TOPAZ1: variants seen among roughly 807,000 people sequenced by gnomAD.
TOPAZ1 encodes the protein testis and ovary specific TOPAZ 1.
Under a neutral mutation model 172.2 loss-of-function variants are expected in TOPAZ1, and 66 were observed. The observed-to-expected ratio is 0.38, with a 90% CI of 0.31 to 0.47. The LOEUF is 0.47. Ranked by LOEUF, TOPAZ1 falls within the 20% of genes least tolerant of loss-of-function variation. The pLI, the probability that TOPAZ1 is intolerant of heterozygous loss-of-function variation, is 0.99. For synonymous variants in TOPAZ1, 681 were observed against 683.9 expected (o/e 1.00, Z 0.07); for missense variants, 1,822 against 1,972.4 (o/e 0.92, Z 1.44).
At position 44,242,944 on chromosome 3, in the gene TOPAZ1, A is replaced by G. The variant is rs1452894680; in HGVS notation, c.438A>G (p.Glu146=). The change falls in exon 2 of 20, where the codon GAA becomes GAG. Residue 146 remains glutamate, a synonymous_variant. Coordinates refer to ENST00000309765, the MANE Select transcript of TOPAZ1 (RefSeq NM_001145030.2). The part of the protein sequence containing the change: ...LVRKESLTSS[E]SFQTVECLQS... ...GAAAGGAATCATTAACCAGTTCGGA[A>G]TCTTTCCAAACAGTGGAATGCTTGC... 6.4e-7 allele frequency: 1 copy of G among 1,550,714 alleles called. No homozygotes were observed. The highest frequency in any genetic ancestry group is 2.4e-5 in the East Asian group (1 of 40,910).
In TOPAZ1 at chr3:44,244,312, C is replaced by T. The variant is rs1472358880; in HGVS notation, c.1806C>T (p.Ser602=). ...AAAAGATAAAATCAGAGGAACTGAGCAGAAGAGGGTCAGAGGTAATTTCTA... is the reference window on the plus strand; with the variant it reads ...AAAAGATAAAATCAGAGGAACTGAGTAGAAGAGGGTCAGAGGTAATTTCTA... ...DDKKIKSEEL[S]RRGSEVISNT... The change falls in exon 2 of 20, where the codon AGC becomes AGT. Residue 602 remains serine (S), a synonymous_variant. Transcript: ENST00000309765. 8 of 1,550,674 alleles carry T rather than the reference C, an allele frequency of 5.2e-6. No homozygotes were observed. The South Asian group carries it at 8.4e-5, about 16-fold the overall frequency.
intron 5 of TOPAZ1, among the ~76,000 whole-genome samples, chr3:44,264,750 G>C (rs1021692871): frequency 2.6e-5 from 4 of 152,194 alleles, no homozygotes; most frequent in Non-Finnish European, 4.4e-5. Flanking sequence ...TTATCAACTA[G>C]ATTGTGTGAT....
downstream of TOPAZ1, among the ~76,000 whole-genome samples, chr3:44,334,227 T>G (rs925392323): frequency 6.6e-5 from 10 of 152,134 alleles, no homozygotes; most frequent in Admixed American, 5.9e-4. Flanking sequence ...ATCTTTGCTC[T>G]CCTCATTTTC....
chr3:44,247,890 A>T (rs1699584364), intron 2 of TOPAZ1, among the ~76,000 whole-genome samples: 1 of 152,178 alleles, frequency 6.6e-6, no homozygotes, highest in African/African-American at 2.4e-5. Context: ...ATGTCAAGTG[A>T]TCTGCCTGCC....
At chr3:44,295,551 C>A (rs567063525) in intron 12 of TOPAZ1, among the ~76,000 whole-genome samples, 1 of 152,116 alleles carries the variant, frequency 6.6e-6, no homozygotes, top group African/African-American at 2.4e-5. Context: ...AACAATATGC[C>A]ATGCAAACAT....
chr3:44,259,858 A>G (rs916524840), intron 4 of TOPAZ1, among the ~76,000 whole-genome samples: 2 of 152,162 alleles, frequency 1.3e-5, no homozygotes, highest in African/African-American at 2.4e-5. Context: ...ATTGTTTTCT[A>G]TGAACTTGCT....
At chr3:44,249,772 A>G (rs77532985) in intron 2 of TOPAZ1, among the ~76,000 whole-genome samples, 66 of 152,360 alleles carry the variant, frequency 4.3e-4, no homozygotes, top group Non-Finnish European at 6.8e-4. Context: ...ATTAGATTAC[A>G]TGTAAATGGA....
intron 2 of TOPAZ1, among the ~76,000 whole-genome samples, chr3:44,248,054 G>C (rs1699586244): frequency 6.6e-6 from 1 of 152,202 alleles, no homozygotes; most frequent in Non-Finnish European, 1.5e-5. Flanking sequence ...TTGGGTGCAT[G>C]AGAATTATTT....
At chr3:44,250,347 T>C (rs989047882) in intron 2 of TOPAZ1, among the ~76,000 whole-genome samples, 22 of 151,938 alleles carry the variant, frequency 1.4e-4, no homozygotes. Context: ...CTTTTCTTTA[T>C]TGTCCCATTC....
intron 6 of TOPAZ1, 115 bp downstream of exon 6, chr3:44,267,251 A>C (rs1699840552): frequency 1.3e-6 from 1 of 798,552 alleles, no homozygotes; most frequent in Non-Finnish European, 1.8e-6. Flanking sequence ...CATGTAGAAT[A>C]TGTTAAAATT....
chr3:44,281,875 T>C, intron 8 of TOPAZ1, 93 bp from the exon 9 acceptor site: 1 of 762,410 alleles, frequency 1.3e-6, no homozygotes, highest in Non-Finnish European at 2.1e-6. Context: ...CATTTAAAAA[T>C]TTCAATATAA....
At chr3:44,318,238 G>A (rs1398834676) in intron 16 of TOPAZ1, among the ~76,000 whole-genome samples, 1 of 152,156 alleles carries the variant, frequency 6.6e-6, no homozygotes, top group Non-Finnish European at 1.5e-5. Flanking sequence ...GATCACCTGA[G>A]GTCAGGAGTT....
chr3:44,301,923 G>A (rs1700276472), intron 12 of TOPAZ1, among the ~76,000 whole-genome samples: 1 of 151,990 alleles, frequency 6.6e-6, no homozygotes, highest in Non-Finnish European at 1.5e-5. Flanking sequence ...ATTGCATGTG[G>A]TTTTGAGTCA....
At chr3:44,332,177 T>C (rs1382071364), downstream of TOPAZ1, 7 of 568,760 alleles carry the variant, frequency 1.2e-5, no homozygotes, top group Non-Finnish European at 2.1e-5. Flanking sequence ...GTAATTTTCA[T>C]TGATTTTATT....
chr3:44,299,192 A>G (rs972859215), intron 12 of TOPAZ1, among the ~76,000 whole-genome samples: 1 of 151,792 alleles, frequency 6.6e-6, no homozygotes, highest in African/African-American at 2.4e-5. Context: ...AAGTGCTGAG[A>G]TTACAGGCAT....
chr3:44,259,378 C>A (rs1377555564), intron 4 of TOPAZ1, among the ~76,000 whole-genome samples: 1 of 152,154 alleles, frequency 6.6e-6, no homozygotes, highest in Non-Finnish European at 1.5e-5. Context: ...TCAAAGTACA[C>A]CCATTGTGAA....
At position 44,328,278 on chromosome 3, in the gene TOPAZ1, A is replaced by G. The variant is rs747522770; in HGVS notation, c.4704A>G (p.Pro1568=). The change falls in exon 19 of 20, where the codon CCA becomes CCG. Residue 1568 remains proline, a synonymous_variant. Coordinates refer to ENST00000309765, the MANE Select transcript of TOPAZ1 (RefSeq NM_001145030.2). ...CTCTTTCCTTGGGTTGCTACCCACC[A>G]TTGGAAGGAAATTTATACCGAAAAC... ...KSALSLGCYP[P]LEGNLYRKLL... is the part of the protein sequence containing the mutation. 6.0e-6 allele frequency: 9 copies of G among 1,511,022 alleles called. No homozygotes were observed. The highest frequency in any genetic ancestry group is 7.9e-6 in the Non-Finnish European group (9 of 1,132,958). 93.6% of individuals were successfully genotyped at this position (1,511,022 alleles called of 1,614,324 possible).
chr3:44,254,921 T>C (rs767702831), intron 2 of TOPAZ1, 47 bp from the exon 3 acceptor site: 2 of 1,380,396 alleles, frequency 1.4e-6, no homozygotes, highest in South Asian at 2.6e-5. Context: ...TGGATAGTTC[T>C]GCTTAGAATC....
chr3:44,303,479 C>CTTTTTT (rs34565826), intron 12 of TOPAZ1, among the ~76,000 whole-genome samples: 3 of 109,934 alleles, frequency 2.7e-5, no homozygotes, highest in African/African-American at 7.1e-5. Flanking sequence ...TGCTTGCTTG[C>CTTTTTT]TTTTTTTTTT....
Sources: allele counts gnomAD v4.1 joint callset (sites outside exome capture counted in the v4.1 genomes callset), GRCh38; gene constraint gnomAD v4.1.1; transcripts MANE v1.5; gene names NCBI Gene and HGNC (gene_info 2026-07-23, HGNC 2026-07-21).